The following LRRC7 variants were observed in gnomAD, a reference collection of about 807,000 sequenced individuals.
LRRC7 encodes the protein leucine-rich repeat-containing protein 7.
Under a neutral mutation model 175.7 loss-of-function variants are expected in LRRC7, and 23 were observed. That is an observed-to-expected ratio of 0.13 (90% CI 0.09 to 0.19). The LOEUF (loss-of-function observed/expected upper bound fraction) is 0.19. Among genes scored for constraint, LRRC7 ranks in the 10% least tolerant of loss-of-function variants. LRRC7 has a pLI of 1.00. For synonymous variants in LRRC7, 685 were observed against 680.9 expected (o/e 1.01, Z -0.09); for missense variants, 1,354 against 1,904.7 (o/e 0.71, Z 5.38).
intron 11 of LRRC7, among the ~76,000 whole-genome samples, chr1:70,006,249 T>C (rs1227308425): frequency 6.6e-6 from 1 of 152,112 alleles, no homozygotes; most frequent in Non-Finnish European, 1.5e-5. Context: ...AATTCCTTAT[T>C]GCCCATGGTG....
At chr1:70,056,594 A>T (rs1428559760) in intron 23 of LRRC7, among the ~76,000 whole-genome samples, 3 of 152,162 alleles carry the variant, frequency 2.0e-5, no homozygotes, top group Non-Finnish European at 4.4e-5. Flanking sequence ...TCCTCTTTCA[A>T]ATCCAGCAAG....
intron 23 of LRRC7, among the ~76,000 whole-genome samples, chr1:70,073,473 A>G (rs1382304832): frequency 6.6e-6 from 1 of 152,138 alleles, no homozygotes; most frequent in African/African-American, 2.4e-5. Context: ...TTAAAACTCA[A>G]TTCAAATAAC....
At chr1:70,102,893 C>T (rs1477161046) in intron 25 of LRRC7, among the ~76,000 whole-genome samples, 1 of 152,064 alleles carries the variant, frequency 6.6e-6, no homozygotes, top group Admixed American at 6.6e-5. Flanking sequence ...ATGCTCTTGA[C>T]CACTGCTTGC....
At chr1:70,083,699 C>T (rs997818859) in intron 24 of LRRC7, among the ~76,000 whole-genome samples, 4 of 152,296 alleles carry the variant, frequency 2.6e-5, no homozygotes, top group Non-Finnish European at 4.4e-5. Context: ...AAAACCACTT[C>T]CTGCTGCTAA....
chr1:69,658,226 T>C lies in LRRC7; in HGVS notation c.3-20155T>C, dbSNP rs188108398. 4.7e-3 allele frequency among the ~76,000 whole-genome samples: 722 copies of C among 152,082 alleles called. 6 individuals carry two copies. Among genetic ancestry groups the C allele is most frequent in the Non-Finnish European group, 7.7e-3 (523 of 67,888 alleles). On this transcript the variant is annotated intron_variant, in intron 1 of 26. Coordinates refer to ENST00000651989, the MANE Select transcript of LRRC7 (RefSeq NM_001370785.2). ...GGCATTTCTAAGCTCCATTACATCA[T>C]ATTTTTAGTATAACATATTTTAAAT...
Position 69,882,991 on chromosome 1 carries a change from AT to A in LRRC7, c.647+44712del, listed in dbSNP as rs1686792158. ...GTATTCCATGGTGTATATGTGCCAC[AT>A]TTTCTTAATCCAGTTTATCATTGTT... is the stretch of plus-strand genomic sequence containing the variant. On this transcript the variant is annotated intron_variant, in intron 7 of 26. Coordinates refer to ENST00000651989, the MANE Select transcript of LRRC7 (RefSeq NM_001370785.2). Among the ~76,000 whole-genome samples, 20 of 151,812 alleles carry A rather than the reference AT, an allele frequency of 1.3e-4. No homozygotes were observed. In the South Asian group the frequency reaches 4.0e-3, roughly 30 times the overall value.
chr1:69,922,125 C>A (rs886852961), intron 7 of LRRC7, among the ~76,000 whole-genome samples: 4 of 152,104 alleles, frequency 2.6e-5, no homozygotes, highest in African/African-American at 9.7e-5. Context: ...GGGGTTTCAC[C>A]ATGTTGGCCA....
chr1:70,076,895 T>C (rs912713916), intron 24 of LRRC7, among the ~76,000 whole-genome samples: 2 of 152,202 alleles, frequency 1.3e-5, no homozygotes, highest in African/African-American at 4.8e-5. Context: ...GATTTGCTTT[T>C]CCATTGTAGT....
At chr1:69,840,200 A>G (rs928791274) in intron 7 of LRRC7, among the ~76,000 whole-genome samples, 2 of 152,024 alleles carry the variant, frequency 1.3e-5, no homozygotes, top group Non-Finnish European at 2.9e-5. Flanking sequence ...TAAAATATAG[A>G]TAACTTTAGT....
At chr1:70,004,247 C>T (rs1408233384) in intron 11 of LRRC7, among the ~76,000 whole-genome samples, 1 of 152,046 alleles carries the variant, frequency 6.6e-6, no homozygotes, top group Non-Finnish European at 1.5e-5. Context: ...GTGTGTTTTA[C>T]TTGGAAAACA....
chr1:70,053,456 C>G (rs180710300), intron 23 of LRRC7, among the ~76,000 whole-genome samples: 184 of 152,286 alleles, frequency 1.2e-3, no homozygotes, highest in African/African-American at 4.2e-3. Flanking sequence ...TTCCGACTCT[C>G]TTGGCTTTAA....
rs1558094613 is a variant in LRRC7 at position 70,132,452 on chromosome 1, CT to C, written c.*10569del. Among the ~76,000 whole-genome samples, 1 of 64,566 alleles carries C rather than the reference CT, an allele frequency of 1.5e-5. No individual in the cohort carries two copies. The highest frequency in any genetic ancestry group is 6.9e-5 in the African/African-American group (1 of 14,482). 42.4% of individuals were successfully genotyped at this position (64,566 alleles called of 152,430 possible). A position where few individuals can be genotyped will look rare whatever the true frequency, so the allele number is the denominator to read the frequency against. On this transcript the variant is annotated 3_prime_UTR_variant, in exon 27 of 27. Coordinates refer to ENST00000651989, the MANE Select transcript of LRRC7 (RefSeq NM_001370785.2). ...GTACTTTTCTTTTTTCTTTTCTTTT[CT>C]TTTCTTTTTTTTTTTTTTTTTTTTT... is the stretch of plus-strand genomic sequence containing the variant.
At chr1:69,993,958 A>G (rs1212263533) in intron 10 of LRRC7, among the ~76,000 whole-genome samples, 1 of 152,194 alleles carries the variant, frequency 6.6e-6, no homozygotes, top group African/African-American at 2.4e-5. Flanking sequence ...AAATCAGATA[A>G]TGAAAGATAA....
intron 7 of LRRC7, among the ~76,000 whole-genome samples, chr1:69,853,456 T>G (rs1319072864): frequency 1.3e-5 from 2 of 151,822 alleles, no homozygotes; most frequent in Non-Finnish European, 2.9e-5. Context: ...TTTTTGTATT[T>G]TTAGTAGAGA....
At chr1:69,882,500 T>C (rs1386765749) in intron 7 of LRRC7, among the ~76,000 whole-genome samples, 1 of 152,166 alleles carries the variant, frequency 6.6e-6, no homozygotes, top group African/African-American at 2.4e-5. Context: ...TTGCATTATA[T>C]ATGTACATAC....
At chr1:70,100,936 C>G (rs956237303) in intron 25 of LRRC7, among the ~76,000 whole-genome samples, 1 of 152,088 alleles carries the variant, frequency 6.6e-6, no homozygotes, top group African/African-American at 2.4e-5. Flanking sequence ...CCTTAAAATA[C>G]TTTGTCATCA....
At chr1:69,726,389 G>A (rs1036164324) in intron 2 of LRRC7, among the ~76,000 whole-genome samples, 2 of 152,120 alleles carry the variant, frequency 1.3e-5, no homozygotes, top group African/African-American at 2.4e-5. Flanking sequence ...GAAATGTAAA[G>A]ATTCCTTAAA....
rs768516683 is a variant in LRRC7, at chr1:70,036,158, G to C, written c.2033G>C (p.Gly678Ala). ...FVHPANEMRIGELHPSLAETP... is the reference protein window; with the variant it reads ...FVHPANEMRIAELHPSLAETP... ...CATCCAGCTAATGAAATGAGGATTGGGGAACTTCACCCTTCATTAGCTGAG... is the reference window on the plus strand; with the variant it reads ...CATCCAGCTAATGAAATGAGGATTGCGGAACTTCACCCTTCATTAGCTGAG... Residue 678 changes from glycine (G) to alanine (A), a missense_variant, in exon 19 of 27, where the codon GGG (glycine) becomes GCG (alanine). Around this residue, in one of 4 missense-constraint regions of LRRC7, gnomAD observed 1,032 missense variants for 1,227.2 expected, o/e 0.84. Transcript: ENST00000651989. 122 of 1,612,972 alleles carry C rather than the reference G, an allele frequency of 7.6e-5. No homozygotes were observed. Among genetic ancestry groups the C allele is most frequent in the Non-Finnish European group, 9.9e-5 (117 of 1,179,472 alleles).
chr1:69,927,797 T>G (rs1321065237), intron 7 of LRRC7, among the ~76,000 whole-genome samples: 1 of 152,204 alleles, frequency 6.6e-6, no homozygotes, highest in African/African-American at 2.4e-5. Context: ...TGAAGCCTTC[T>G]TCTCTCAACT....
Sources: allele counts gnomAD v4.1 joint callset (sites outside exome capture counted in the v4.1 genomes callset), GRCh38; gene constraint gnomAD v4.1.1; regional missense constraint gnomAD v4.1.1; transcripts MANE v1.5; gene names NCBI Gene and HGNC (gene_info 2026-07-23, HGNC 2026-07-21).